Variants in PLEKHG4B observed in about 807,000 individuals in gnomAD.
PLEKHG4B encodes pleckstrin homology and RhoGEF domain containing G4B.
In PLEKHG4B, 111 loss-of-function variants were observed where a neutral mutation model predicts 121.3. The observed-to-expected ratio is 0.92, with a 90% CI of 0.78 to 1.07. The LOEUF (loss-of-function observed/expected upper bound fraction) is 1.07. Ranked by LOEUF, PLEKHG4B falls within the 50% of genes least tolerant of loss-of-function variation. The pLI is 0.00. For synonymous variants in PLEKHG4B, 738 were observed against 725.0 expected (o/e 1.02, Z -0.29); for missense variants, 1,831 against 1,757.8 (o/e 1.04, Z -0.74).
chr5:156,688 G>A lies in PLEKHG4B; in HGVS notation c.2349-85G>A. Reference sequence around the variant, plus strand: ...CTTGTGGCATGAGGGAATGGAAAGAGCAGGGTTTTTATATGGGGTTGTCAC... The same window carrying A: ...CTTGTGGCATGAGGGAATGGAAAGAACAGGGTTTTTATATGGGGTTGTCAC... On this transcript the variant is annotated intron_variant, in intron 10 of 19. Coordinates refer to ENST00000637938, the MANE Select transcript of PLEKHG4B (RefSeq NM_052909.5). The surrounding 1 kb of genome is among the most constrained non-coding windows in gnomAD (Gnocchi z 4.4). 3 of 1,467,882 alleles carry A rather than the reference G, an allele frequency of 2.0e-6. No homozygotes were observed. The highest frequency in any genetic ancestry group is 2.7e-6 in the Non-Finnish European group (3 of 1,099,898). 90.9% of individuals were successfully genotyped at this position (1,467,882 alleles called of 1,614,324 possible). A position where few individuals can be genotyped will look rare whatever the true frequency, so the allele number is the denominator to read the frequency against.
At chr5:121,722 A>G (rs1276276954) in intron 2 of PLEKHG4B, among the ~76,000 whole-genome samples, 3 of 152,190 alleles carry the variant, frequency 2.0e-5, no homozygotes, top group Non-Finnish European at 4.4e-5. Context: ...GTTGAAAGAA[A>G]AAAATTCTAT....
rs149283063 is a variant in PLEKHG4B at position 134,917 on chromosome 5, C to T, written c.244-4566C>T. Among the ~76,000 whole-genome samples the T allele has an allele frequency of 5.9e-3, 897 of 151,846 alleles. 26 individuals carry two copies. The highest frequency in any genetic ancestry group is 0.05 in the Admixed American group (768 of 15,258). ...TAAGATAACAATTTGTGGCCGGGCACGGTGGCTCATGCCTATAATCCCAGC... is the reference window on the plus strand; with the variant it reads ...TAAGATAACAATTTGTGGCCGGGCATGGTGGCTCATGCCTATAATCCCAGC... On this transcript the variant is annotated intron_variant, in intron 2 of 19. Coordinates refer to ENST00000637938, the MANE Select transcript of PLEKHG4B (RefSeq NM_052909.5).
intron 2 of PLEKHG4B, among the ~76,000 whole-genome samples, chr5:130,411 G>T (rs561177520): frequency 1.3e-5 from 2 of 152,272 alleles, no homozygotes; most frequent in Admixed American, 6.5e-5. Flanking sequence ...AGTGTAAATT[G>T]GTTTCATACC....
Position 184,144 on chromosome 5 carries a change from C to A in PLEKHG4B, c.*1821C>A, listed in dbSNP as rs553127514. 6 of 152,292 alleles carry A rather than the reference C, an allele frequency of 3.9e-5. No homozygotes were observed. In the East Asian group the frequency reaches 1.2e-3, roughly 29 times the overall value. The allele number at this position is 152,292 out of a possible 1,614,324, so 9.4% of individuals were successfully genotyped here. On this transcript the variant is annotated 3_prime_UTR_variant, in exon 20 of 20. Transcript: ENST00000637938. ...AGACCCAAGGAAGCTGCTAGTGTGC[C>A]CAGTCCGAGTCCTAAAGCCTCAGAG...
intron 18 of PLEKHG4B, among the ~76,000 whole-genome samples, chr5:175,208 G>A (rs914049426): frequency 3.3e-5 from 5 of 151,990 alleles, no homozygotes; most frequent in African/African-American, 1.2e-4. Context: ...TGAGCTCATG[G>A]TCAGCCCTCA....
In PLEKHG4B at chr5:113,516, G is replaced by A. The variant is rs1734218988; in HGVS notation, c.243+68G>A. 1 of 398,672 alleles carries A rather than the reference G, an allele frequency of 2.5e-6. No homozygotes were observed. The highest frequency in any genetic ancestry group is 1.3e-4 in the South Asian group (1 of 7,680). 24.7% of individuals were successfully genotyped at this position (398,672 alleles called of 1,614,324 possible). A position where few individuals can be genotyped will look rare whatever the true frequency, so the allele number is the denominator to read the frequency against. Reference sequence around the variant, plus strand: ...AGGAACCTGCCCTTTCCCTGGGCAGGGCAGGAATTGGGCCCATCAGGGCAC... The same window carrying A: ...AGGAACCTGCCCTTTCCCTGGGCAGAGCAGGAATTGGGCCCATCAGGGCAC... On this transcript the variant is annotated intron_variant, in intron 2 of 19. Coordinates refer to ENST00000637938, the MANE Select transcript of PLEKHG4B (RefSeq NM_052909.5). The surrounding 1 kb of genome is among the most constrained non-coding windows in gnomAD (Gnocchi z 5.2).
intron 2 of PLEKHG4B, among the ~76,000 whole-genome samples, chr5:125,770 G>GT (rs1317612170): frequency 6.6e-6 from 1 of 152,174 alleles, no homozygotes; most frequent in Non-Finnish European, 1.5e-5. Flanking sequence ...GGACTCCGTT[G>GT]TTTCTGCAGG....
intron 2 of PLEKHG4B, among the ~76,000 whole-genome samples, chr5:124,164 A>G (rs537163793): frequency 1.1e-3 from 171 of 151,970 alleles, no homozygotes; most frequent in South Asian, 9.6e-3. Context: ...TATTTCTGTT[A>G]TTGACTTCCA....
intron 9 of PLEKHG4B, among the ~76,000 whole-genome samples, 176 bp downstream of exon 9, chr5:155,619 G>A (rs1656447912): frequency 6.6e-6 from 1 of 152,154 alleles, no homozygotes. Context: ...CCTCCCCTTT[G>A]TCACCAAAAA....
chr5:112,688 T>C (rs1452503776), intron 1 of PLEKHG4B, among the ~76,000 whole-genome samples: 1 of 152,194 alleles, frequency 6.6e-6, no homozygotes, highest in East Asian at 1.9e-4. Context: ...CCATCAGTAC[T>C]GTTTAAATGA....
chr5:153,810 C>T lies in PLEKHG4B; in HGVS notation c.1993-1065C>T, dbSNP rs186897175. On this transcript the variant is annotated intron_variant, in intron 7 of 19. Transcript: ENST00000637938. ...TAGGTGATCCTCCCACCTCAGCCTC[C>T]TCAGTAGCTGGATCTACAGGTATGC... Among the ~76,000 whole-genome samples the T allele has an allele frequency of 1.8e-3, 273 of 152,240 alleles. 1 individual carries two copies. Among genetic ancestry groups the T allele is most frequent in the African/African-American group, 6.1e-3 (255 of 41,546 alleles).
intron 6 of PLEKHG4B, among the ~76,000 whole-genome samples, chr5:146,040 G>A (rs1735397493): frequency 6.6e-6 from 1 of 151,312 alleles, no homozygotes; most frequent in Non-Finnish European, 1.5e-5. Flanking sequence ...CCCCTTCCAT[G>A]GTCCTCCCTC....
intron 1 of PLEKHG4B, among the ~76,000 whole-genome samples, chr5:104,220 C>G (rs1733907827): frequency 2.0e-5 from 3 of 149,186 alleles, no homozygotes; most frequent in African/African-American, 7.5e-5. Context: ...GCACCGATTC[C>G]TAAACAACCT....
rs1317626403 is a variant in PLEKHG4B at position 162,913 on chromosome 5, C to A, written c.2841C>A (p.Tyr947Ter). 2 of 1,536,950 alleles carry A rather than the reference C, an allele frequency of 1.3e-6. No individual in the cohort carries two copies. The highest frequency in any genetic ancestry group is 1.3e-5 in the South Asian group (1 of 79,720). ...WASQQDLWLQ[Y>*]PQTRLRLEEA... ...CACAGCAAGACCTGTGGCTGCAGTA[C>A]CCCCAGACCCGGCTCCGTCTGGAAG... The change falls in exon 13 of 20, where the codon TAC becomes TAA. Residue 947 changes from tyrosine (Y) to a stop codon, truncating the protein, a stop_gained. Transcript: ENST00000637938. LOFTEE classifies it high-confidence loss of function.
chr5:181,694 G>A lies in PLEKHG4B; in HGVS notation c.4564+19G>A, dbSNP rs112645933. 613 of 1,605,688 alleles carry A rather than the reference G, an allele frequency of 3.8e-4. 1 individual carries two copies. In the African/African-American group the frequency reaches 6.2e-3, roughly 16 times the overall value. On this transcript the variant is annotated intron_variant, in intron 19 of 19. Coordinates refer to ENST00000637938, the MANE Select transcript of PLEKHG4B (RefSeq NM_052909.5). ...GGCACAGGTACGGTGGCTCGGTCCC[G>A]CCCTCACTCACCCTGCAGAGGGCAC...
Position 162,498 on chromosome 5 carries a change from G to A in PLEKHG4B, c.2650-224G>A, listed in dbSNP as rs888205375. On this transcript the variant is annotated intron_variant, in intron 12 of 19. Coordinates refer to ENST00000637938, the MANE Select transcript of PLEKHG4B (RefSeq NM_052909.5). ...CACGTGGTCCTAGGACATCCCCCACGGTGCCCTCTGGCATGGCGAACAGAC... is the reference window on the plus strand; with the variant it reads ...CACGTGGTCCTAGGACATCCCCCACAGTGCCCTCTGGCATGGCGAACAGAC... Among the ~76,000 whole-genome samples the A allele has an allele frequency of 5.9e-5, 9 of 152,330 alleles. No individual in the cohort carries two copies. In the East Asian group the frequency reaches 1.2e-3, roughly 20 times the overall value.
chr5:148,596 T>C (rs1579290463), intron 6 of PLEKHG4B, among the ~76,000 whole-genome samples: 2 of 152,194 alleles, frequency 1.3e-5, no homozygotes, highest in Non-Finnish European at 2.9e-5. Context: ...TAGAAAGATA[T>C]CTCATGTTCA....
intron 7 of PLEKHG4B, among the ~76,000 whole-genome samples, chr5:152,549 T>C (rs1735641398): frequency 6.6e-6 from 1 of 152,186 alleles, no homozygotes; most frequent in South Asian, 2.1e-4. Context: ...ATTCTCTCTC[T>C]CTTTCTAGTA....
intron 11 of PLEKHG4B, among the ~76,000 whole-genome samples, chr5:160,174 C>T (rs28409618): frequency 0.13 from 20,303 of 152,300 alleles, 3,213 homozygotes; most frequent in African/African-American, 0.39. Context: ...CCGCATGTGG[C>T]GGCCTCGGCA....
Sources: allele counts gnomAD v4.1 joint callset (sites outside exome capture counted in the v4.1 genomes callset), GRCh38; gene constraint gnomAD v4.1.1; non-coding constraint Gnocchi (gnomAD v3.1); transcripts MANE v1.5; gene names NCBI Gene and HGNC (gene_info 2026-07-23, HGNC 2026-07-21).